Variants in A2ML1 observed in about 807,000 individuals in gnomAD.
A2ML1 encodes alpha-2-macroglobulin-like protein 1.
A2ML1 carries 161 observed loss-of-function variants against 181.9 expected under a neutral mutation model. The ratio of observed to expected loss-of-function variants is 0.89; its 90% CI spans 0.78 to 1.01. The LOEUF (loss-of-function observed/expected upper bound fraction) is 1.01. A2ML1 is among the 50% of genes least tolerant of loss of function. The probability of loss-of-function intolerance (pLI) is 0.00; values close to 1 mark genes in which losing one functional copy is unlikely to be tolerated. For missense variants in A2ML1, 1,670 were observed against 1,768.1 expected (o/e 0.94, Z 1.00); for synonymous variants, 663 against 666.8 (o/e 0.99, Z 0.09).
At chr12:8,861,415 T>A in intron 28 of A2ML1, 118 bp downstream of exon 28, 1 of 1,185,680 alleles carries the variant, frequency 8.4e-7, no homozygotes, top group Non-Finnish European at 1.2e-6. Flanking sequence ...TAGTAACAGT[T>A]ATTAAGTCAT....
At chr12:8,868,701 A>G in intron 32 of A2ML1, 74 bp downstream of exon 32, 1 of 1,219,852 alleles carries the variant, frequency 8.2e-7, no homozygotes, top group Non-Finnish European at 1.2e-6. Context: ...AACTGGTAAA[A>G]TGGGCATCAT....
At chr12:8,861,639 C>G (rs370927490) in intron 28 of A2ML1, among the ~76,000 whole-genome samples, 3 of 152,120 alleles carry the variant, frequency 2.0e-5, no homozygotes, top group East Asian at 1.9e-4. Context: ...AGGCGCCCAC[C>G]ACCACGCCCG....
intron 33 of A2ML1, among the ~76,000 whole-genome samples, chr12:8,870,368 T>C (rs184440199): frequency 1.1e-3 from 166 of 152,124 alleles, no homozygotes; most frequent in Non-Finnish European, 2.0e-3. Flanking sequence ...CCCGGGTTCA[T>C]GCCATTCTCC....
chr12:8,831,392 A>G (rs1221371317), intron 4 of A2ML1, among the ~76,000 whole-genome samples: 1 of 152,168 alleles, frequency 6.6e-6, no homozygotes, highest in Non-Finnish European at 1.5e-5. Flanking sequence ...GTTACGATTC[A>G]AATGAAGCGG....
chr12:8,880,057 G>A (rs1271967711), downstream of A2ML1, among the ~76,000 whole-genome samples: 1 of 152,100 alleles, frequency 6.6e-6, no homozygotes, highest in Non-Finnish European at 1.5e-5. Context: ...AAAAATGATA[G>A]AAGAAAGCAC....
In A2ML1 at chr12:8,863,813, C is replaced by T; in HGVS notation, c.3522C>T (p.Ser1174=). ...AIISGESIYW[S]QKPTPSSNAS... is the part of the protein sequence containing the mutation. ...CCATAGGAGAATCCATTTACTGGAGCCAGAAACCTACTCCATCATCGAACG... is the reference window on the plus strand; with the variant it reads ...CCATAGGAGAATCCATTTACTGGAGTCAGAAACCTACTCCATCATCGAACG... Residue 1174 remains serine (S), a synonymous_variant, in exon 29 of 36, where the codon AGC becomes AGT. Transcript: ENST00000299698. 1 of 1,614,216 alleles carries T rather than the reference C, an allele frequency of 6.2e-7. No individual in the cohort carries two copies. The highest frequency in any genetic ancestry group is 8.5e-7 in the Non-Finnish European group (1 of 1,180,030).
At chr12:8,848,648 A>G (rs1943784105) in intron 15 of A2ML1, 72 bp from the exon 16 acceptor site, 1 of 1,298,894 alleles carries the variant, frequency 7.7e-7, no homozygotes, top group Admixed American at 2.4e-5. Context: ...ACTGAGCACC[A>G]GAATCTGAGA....
chr12:8,843,008 C>A (rs1565473047), intron 11 of A2ML1, 126 bp from the exon 12 acceptor site: 1 of 808,846 alleles, frequency 1.2e-6, no homozygotes, highest in Non-Finnish European at 2.0e-6. Flanking sequence ...TAATGAAATA[C>A]CCACATGCCA....
At chr12:8,883,676 C>T (rs140651393) in intron 7 of A2ML1, among the ~76,000 whole-genome samples, 5,859 of 151,998 alleles carry the variant, frequency 0.039, 130 homozygotes, top group Non-Finnish European at 0.049. Context: ...CGGTGTTTCA[C>T]CATGTTGGTC....
chr12:8,885,128 A>T (rs1944909612), intron 7 of A2ML1, among the ~76,000 whole-genome samples: 1 of 152,212 alleles, frequency 6.6e-6, no homozygotes, highest in South Asian at 2.1e-4. Flanking sequence ...GTTCAGAATA[A>T]ACTTCAGTAC....
intron 3 of A2ML1, among the ~76,000 whole-genome samples, chr12:8,827,465 C>G (rs1377395961): frequency 1.3e-5 from 2 of 150,854 alleles, no homozygotes; most frequent in African/African-American, 4.9e-5. Flanking sequence ...TTTTTTTTCT[C>G]TTTGTTAAAT....
intron 10 of A2ML1, among the ~76,000 whole-genome samples, chr12:8,841,069 C>T (rs927176998): frequency 6.7e-6 from 1 of 150,256 alleles, no homozygotes; most frequent in Non-Finnish European, 1.5e-5. Flanking sequence ...CGTGCAGAAC[C>T]TTTGAAGGAG....
chr12:8,856,520 A>AG (rs1450671051), intron 23 of A2ML1, among the ~76,000 whole-genome samples: 1 of 152,214 alleles, frequency 6.6e-6, no homozygotes, highest in Non-Finnish European at 1.5e-5. Flanking sequence ...AAGTATATGA[A>AG]GGGGTCAGTG....
rs777365646 is a variant in A2ML1, at chr12:8,882,168, T to C, written c.*94+1552T>C. On this transcript the variant is annotated intron_variant and NMD_transcript_variant, in intron 7 of 7. Transcript: ENST00000537475. ...ATAAGTAGTGAGAAGCCAAGAGTGT[T>C]GAGGACTAGCTAGGGAACAGGAAAT... is the stretch of plus-strand genomic sequence containing the variant. Among the ~76,000 whole-genome samples, 4 of 152,198 alleles carry C rather than the reference T, an allele frequency of 2.6e-5. No individual in the cohort carries two copies. In the South Asian group the frequency reaches 8.3e-4, roughly 32 times the overall value.
chr12:8,822,785 T>G (rs1178448126), intron 1 of A2ML1, 72 bp downstream of exon 1: 2 of 1,425,054 alleles, frequency 1.4e-6, no homozygotes, highest in Non-Finnish European at 9.9e-7. Flanking sequence ...AACATTTATA[T>G]GGAGATGGGG....
intron 4 of A2ML1, among the ~76,000 whole-genome samples, chr12:8,831,656 A>T (rs1224289193): frequency 2.0e-5 from 3 of 152,086 alleles, no homozygotes. Flanking sequence ...AGAAAGAGTA[A>T]CTCACCCAGA....
Position 8,854,842 on chromosome 12 carries a change from TCAGAG to T in A2ML1, c.2764+15_2764+19del. 6.2e-7 allele frequency: 1 copy of T among 1,613,560 alleles called. No homozygotes were observed. Among genetic ancestry groups the T allele is most frequent in the Non-Finnish European group, 8.5e-7 (1 of 1,179,916 alleles). On this transcript the variant is annotated intron_variant, in intron 22 of 35. Coordinates refer to ENST00000299698, the MANE Select transcript of A2ML1 (RefSeq NM_144670.6). Reference sequence around the variant, plus strand: ...TGCTGTGCCCAAAAGGTGGGTGGACTCAGAGCAGGATTGGTGGTGAGAATTCCCTT... The same window carrying T: ...TGCTGTGCCCAAAAGGTGGGTGGACTCAGGATTGGTGGTGAGAATTCCCTT...
At chr12:8,872,370 C>G (rs1592161599) in intron 33 of A2ML1, among the ~76,000 whole-genome samples, 2 of 152,096 alleles carry the variant, frequency 1.3e-5, no homozygotes, top group South Asian at 4.2e-4. Context: ...TGGGTTTTAA[C>G]TATTGGTCTT....
intron 3 of A2ML1, among the ~76,000 whole-genome samples, chr12:8,824,857 T>C (rs746190747): frequency 1.3e-5 from 2 of 152,372 alleles, no homozygotes; most frequent in Admixed American, 6.5e-5. Flanking sequence ...TTTCTGTGTC[T>C]GGTTTATTTT....
Sources: gnomAD v4.1 joint callset for allele counts (sites outside exome capture counted in the v4.1 genomes callset) on GRCh38, gnomAD v4.1.1 for gene constraint, MANE v1.5 for transcripts, NCBI Gene and HGNC (gene_info 2026-07-23, HGNC 2026-07-21) for gene names.